Variants in ZEB2 observed in about 807,000 individuals in gnomAD.
The protein encoded by ZEB2 is zinc finger E-box-binding homeobox 2.
ZEB2 carries 6 observed loss-of-function variants against 99.9 expected under a neutral mutation model. The ratio of observed to expected loss-of-function variants is 0.06; its 90% CI spans 0.03 to 0.12. The LOEUF is 0.12. ZEB2 is among the 10% of genes least tolerant of loss of function. The pLI is 1.00. For synonymous variants in ZEB2, 517 were observed against 542.5 expected, an observed-to-expected ratio of 0.95 and a Z score of 0.65; for missense variants, 969 against 1,502.8, an observed-to-expected ratio of 0.64 and a Z score of 5.87.
At chr2:144,483,013 T>C (rs1422408254) in intron 2 of ZEB2, among the ~76,000 whole-genome samples, 1 of 152,114 alleles carries the variant, frequency 6.6e-6, no homozygotes, top group Non-Finnish European at 1.5e-5. Flanking sequence ...AAAAGATTCT[T>C]CATTCAACTT....
intron 4 of ZEB2, among the ~76,000 whole-genome samples, chr2:144,409,437 A>C (rs1389843300): frequency 6.6e-6 from 1 of 152,082 alleles, no homozygotes; most frequent in Non-Finnish European, 1.5e-5. Flanking sequence ...TGTAAAATCA[A>C]CCTCATTTTC....
chr2:144,519,310 G>A (rs1010153727), intron 1 of ZEB2: 5 of 151,780 alleles, frequency 3.3e-5, no homozygotes, highest in Non-Finnish European at 7.4e-5. Flanking sequence ...TATAATCACA[G>A]AAGTGAGGTG....
Position 144,403,824 on chromosome 2 carries a change from C to T in ZEB2, c.807+92G>A, listed in dbSNP as rs577048595. On this transcript the variant is annotated intron_variant, in intron 6 of 9. Coordinates refer to ENST00000627532, the MANE Select transcript of ZEB2 (RefSeq NM_014795.4). ...TTAAAAGATCTGCATCTTCAAAATG[C>T]CATGAAAAATTAATAATGATTGCCA... The T allele has an allele frequency of 2.4e-5, 37 of 1,527,186 alleles. No homozygotes were observed. The South Asian group carries it at 3.6e-4, about 15-fold the overall frequency. The allele number at this position is 1,527,186 out of a possible 1,614,324, so 94.6% of individuals were successfully genotyped here. A position where few individuals can be genotyped will look rare whatever the true frequency, so the allele number is the denominator to read the frequency against.
At chr2:144,434,893 T>C (rs1217580526) in intron 2 of ZEB2, among the ~76,000 whole-genome samples, 2 of 152,204 alleles carry the variant, frequency 1.3e-5, no homozygotes, top group African/African-American at 4.8e-5. Flanking sequence ...CCTTGGCCTA[T>C]CATCCAAGGA....
chr2:144,479,761 G>A (rs1392656408), intron 2 of ZEB2, among the ~76,000 whole-genome samples: 1 of 145,592 alleles, frequency 6.9e-6, no homozygotes, highest in African/African-American at 2.5e-5. Flanking sequence ...CCCAGCAACA[G>A]ACCCCCTGCT....
intron 2 of ZEB2, among the ~76,000 whole-genome samples, chr2:144,452,834 G>T (rs900775911): frequency 6.6e-6 from 1 of 152,156 alleles, no homozygotes; most frequent in Admixed American, 6.5e-5. Flanking sequence ...AAACATTTAC[G>T]TGGGGACAGG....
chr2:144,434,866 T>G (rs1217135574), intron 2 of ZEB2, among the ~76,000 whole-genome samples: 1 of 152,162 alleles, frequency 6.6e-6, no homozygotes, highest in African/African-American at 2.4e-5. Context: ...AGAACCAACG[T>G]GTAACCAGCT....
At chr2:144,425,787 A>T (rs1248405520) in intron 3 of ZEB2, among the ~76,000 whole-genome samples, 1 of 152,152 alleles carries the variant, frequency 6.6e-6, no homozygotes, top group Non-Finnish European at 1.5e-5. Context: ...AAGTTTAAAA[A>T]TTTTTATTTT....
intron 2 of ZEB2, among the ~76,000 whole-genome samples, chr2:144,502,526 C>T (rs549748085): frequency 2.0e-5 from 3 of 152,162 alleles, no homozygotes; most frequent in Non-Finnish European, 4.4e-5. Context: ...CTCTGACCCA[C>T]TGCGCGTTCC....
intron 4 of ZEB2, among the ~76,000 whole-genome samples, chr2:144,408,041 C>T (rs1228602939): frequency 6.6e-6 from 1 of 152,156 alleles, no homozygotes; most frequent in African/African-American, 2.4e-5. Flanking sequence ...AACAAAACTG[C>T]ATCTAGATAC....
chr2:144,392,405 C>A (rs1042322105), intron 9 of ZEB2, among the ~76,000 whole-genome samples: 1 of 152,232 alleles, frequency 6.6e-6, no homozygotes, highest in Non-Finnish European at 1.5e-5. Flanking sequence ...ATGCTTCGGG[C>A]ATGCCCACTA....
At chr2:144,496,698 C>T (rs1390712220) in intron 2 of ZEB2, 1 of 152,128 alleles carries the variant, frequency 6.6e-6, no homozygotes, top group Non-Finnish European at 1.5e-5. Flanking sequence ...ATTTCCTCAT[C>T]AGTAAAAATA....
intron 2 of ZEB2, among the ~76,000 whole-genome samples, chr2:144,444,190 A>T (rs1012765245): frequency 1.3e-5 from 2 of 152,208 alleles, no homozygotes; most frequent in African/African-American, 4.8e-5. Context: ...GATGACATCT[A>T]TAACTTATGG....
At chr2:144,439,490 T>G (rs1703879546) in intron 2 of ZEB2, among the ~76,000 whole-genome samples, 1 of 152,326 alleles carries the variant, frequency 6.6e-6, no homozygotes, top group South Asian at 2.1e-4. Context: ...TTAATATGGG[T>G]TAATTAATAT....
At chr2:144,425,500 A>C (rs1367593642) in intron 3 of ZEB2, among the ~76,000 whole-genome samples, 1 of 152,192 alleles carries the variant, frequency 6.6e-6, no homozygotes, top group Non-Finnish European at 1.5e-5. Context: ...TCTTGTCCTC[A>C]TCATGATTTA....
intron 2 of ZEB2, among the ~76,000 whole-genome samples, chr2:144,474,805 G>C (rs962296219): frequency 6.6e-6 from 1 of 151,836 alleles, no homozygotes; most frequent in Non-Finnish European, 1.5e-5. Context: ...TGAGTATTTC[G>C]GTTCTCATTT....
chr2:144,479,192 T>G (rs900817441), intron 2 of ZEB2, among the ~76,000 whole-genome samples: 1 of 152,230 alleles, frequency 6.6e-6, no homozygotes, highest in African/African-American at 2.4e-5. Flanking sequence ...TTGGGCTGCA[T>G]TACCATTCCT....
At chr2:144,497,670 A>C (rs2149922795) in intron 2 of ZEB2, 1 of 167,136 alleles carries the variant, frequency 6.0e-6, no homozygotes, top group South Asian at 2.0e-4. Flanking sequence ...TTAAGCTCAC[A>C]TGGCAAACTT....
intron 1 of ZEB2, chr2:144,517,899 C>T: frequency 4.5e-6 from 2 of 445,998 alleles, no homozygotes; most frequent in Non-Finnish European, 8.1e-6. Flanking sequence ...ATGAAGCACA[C>T]TCGGGCAAAT....
Sources: allele counts gnomAD v4.1 joint callset (sites outside exome capture counted in the v4.1 genomes callset), GRCh38; gene constraint gnomAD v4.1.1; transcripts MANE v1.5; gene names NCBI Gene and HGNC (gene_info 2026-07-23, HGNC 2026-07-21).